The following DNAAF10 variants were observed in gnomAD, a reference collection of about 807,000 sequenced individuals.
The protein encoded by DNAAF10 is dynein axonemal assembly factor 10, also known as WD repeat domain 92.
DNAAF10 carries 28 observed loss-of-function variants against 43.7 expected under a neutral mutation model. That is an observed-to-expected ratio of 0.64 (90% confidence interval 0.48 to 0.88). The LOEUF is 0.88. DNAAF10 is among the 40% of genes least tolerant of loss of function. DNAAF10 has a pLI of 0.00. For synonymous variants in DNAAF10, 156 were observed against 157.3 expected, an observed-to-expected ratio of 0.99 and a Z score of 0.06; for missense variants, 403 against 439.1, an observed-to-expected ratio of 0.92 and a Z score of 0.73.
At chr2:68,148,230 CTTGGA>C (rs1490120460) in intron 1 of DNAAF10, among the ~76,000 whole-genome samples, 1 of 152,054 alleles carries the variant, frequency 6.6e-6, no homozygotes, top group Non-Finnish European at 1.5e-5. Flanking sequence ...CAAAAAGGTC[CTTGGA>C]AAGGATCTAA....
intron 1 of DNAAF10, among the ~76,000 whole-genome samples, chr2:68,149,676 C>G (rs1007890255): frequency 6.6e-6 from 1 of 152,190 alleles, no homozygotes; most frequent in Non-Finnish European, 1.5e-5. Flanking sequence ...AATATATTAA[C>G]AGTGGTAAAG....
At position 68,157,229 on chromosome 2, in the gene DNAAF10, A is replaced by G. The variant is rs756084497; in HGVS notation, c.183+32T>C. ...ACCCCAGGATCCGCACTCGCCCCCAACGGCAGTCCGGATCCTCGACCCGGC... is the reference window on the plus strand; with the variant it reads ...ACCCCAGGATCCGCACTCGCCCCCAGCGGCAGTCCGGATCCTCGACCCGGC... On this transcript the variant is annotated intron_variant, in intron 1 of 7. Coordinates refer to ENST00000295121, the MANE Select transcript of DNAAF10 (RefSeq NM_138458.4). The G allele has an allele frequency of 3.1e-6, 5 of 1,593,740 alleles. No homozygotes were observed. In the South Asian group the frequency reaches 3.4e-5, roughly 11 times the overall value.
At chr2:68,148,082 C>A (rs754862464) in intron 1 of DNAAF10, among the ~76,000 whole-genome samples, 8 of 152,098 alleles carry the variant, frequency 5.3e-5, no homozygotes, top group Non-Finnish European at 1.0e-4. Flanking sequence ...ATGGATCAGC[C>A]AATCTTTTGA....
At position 68,157,418 on chromosome 2, in the gene DNAAF10, ATC is replaced by A. The variant is rs771418568; in HGVS notation, c.24_25del (p.Gln8HisfsTer15). ...GAAGCCCTTCTGGATATGGGCGATG[ATC>A]TGAGGCTTCTCGAAGGCCGACATGG... is the stretch of plus-strand genomic sequence containing the variant. On this transcript the variant is annotated frameshift_variant, in exon 1 of 8. Coordinates refer to ENST00000295121, the MANE Select transcript of DNAAF10 (RefSeq NM_138458.4). LOFTEE classifies it high-confidence loss of function. 1.2e-6 allele frequency: 2 copies of A among 1,613,996 alleles called. No individual in the cohort carries two copies. Among genetic ancestry groups the A allele is most frequent in the Non-Finnish European group, 8.5e-7 (1 of 1,180,028 alleles).
intron 2 of DNAAF10, among the ~76,000 whole-genome samples, chr2:68,145,881 T>TA (rs1198689595): frequency 1.3e-5 from 2 of 152,186 alleles, no homozygotes; most frequent in African/African-American, 4.8e-5. Flanking sequence ...TTCAATAACT[T>TA]ACAGATTTTT....
chr2:68,131,582 G>C (rs2103879229), intron 7 of DNAAF10, 137 bp from the exon 8 acceptor site: 1 of 822,466 alleles, frequency 1.2e-6, no homozygotes, highest in Non-Finnish European at 1.9e-6. Context: ...TTCTAATACT[G>C]AGTTGTTTGC....
rs371765783 is a variant in DNAAF10 at position 68,147,556 on chromosome 2, G to A, written c.195C>T (p.Ala65=). The A allele has an allele frequency of 6.2e-6, 10 of 1,609,220 alleles. No homozygotes were observed. In the African/African-American group the frequency reaches 1.1e-4, roughly 17 times the overall value. Residue 65 remains alanine, a synonymous_variant, in exon 2 of 8, where the codon GCC becomes GCT. Coordinates refer to ENST00000295121, the MANE Select transcript of DNAAF10 (RefSeq NM_138458.4). ...CAAATGTTCCACATTTAATAGGTTT[G>A]GCCTTTTCAATCTTCATAGAAGGGA... ...DLKLLREIEK[A]KPIKCGTFGA...
chr2:68,157,086 GAAGA>G, intron 1 of DNAAF10, 171 bp downstream of exon 1: 12 of 915,102 alleles, frequency 1.3e-5, no homozygotes, highest in Non-Finnish European at 1.9e-5. Flanking sequence ...CCGCGGATGA[GAAGA>G]AAGGTTTTAA....
At chr2:68,154,908 T>C (rs1572929958) in intron 1 of DNAAF10, among the ~76,000 whole-genome samples, 1 of 152,154 alleles carries the variant, frequency 6.6e-6, no homozygotes, top group East Asian at 1.9e-4. Context: ...GACTACAGGC[T>C]CGCATCACTA....
Position 68,141,727 on chromosome 2 carries a change from C to G in DNAAF10, c.484G>C (p.Glu162Gln), listed in dbSNP as rs1261660985. The G allele has an allele frequency of 1.9e-6, 3 of 1,614,012 alleles. No homozygotes were observed. The African/African-American group carries it at 4.0e-5, about 22-fold the overall frequency. Residue 162 changes from glutamate to glutamine, a missense_variant, in exon 4 of 8, where the codon GAA becomes CAA. Physicochemically the swap from Glu to Gln is conservative, Grantham distance 29. Transcript: ENST00000295121. ...ACAGTCCAACAGTCTCTCTTGTTTT[C>G]TCCTTGTACAGGTTCCATATTAGCA... ...PVANMEPVQG[E>Q]NKRDCWTVAF... is the part of the protein sequence containing the mutation.
intron 3 of DNAAF10, among the ~76,000 whole-genome samples, chr2:68,143,346 G>C (rs186752632): frequency 6.6e-6 from 1 of 152,074 alleles, no homozygotes; most frequent in Admixed American, 6.5e-5. Flanking sequence ...ACCACACCTG[G>C]CTAATTTTTG....
chr2:68,131,470 G>T, intron 7 of DNAAF10, 25 bp from the exon 8 acceptor site: 1 of 1,608,408 alleles, frequency 6.2e-7, no homozygotes, highest in South Asian at 1.1e-5. Flanking sequence ...AAAATGGTAA[G>T]AGCGCATAAA....
At chr2:68,150,543 G>A (rs1448698461) in intron 1 of DNAAF10, among the ~76,000 whole-genome samples, 1 of 151,966 alleles carries the variant, frequency 6.6e-6, no homozygotes, top group Non-Finnish European at 1.5e-5. Flanking sequence ...GACCAGCCTG[G>A]CCAAAATGGT....
At chr2:68,144,440 T>G (rs1479723730) in intron 3 of DNAAF10, 145 bp downstream of exon 3, 3 of 1,015,174 alleles carry the variant, frequency 3.0e-6, no homozygotes, top group Non-Finnish European at 4.2e-6. Flanking sequence ...CAATCAAACT[T>G]GTCTGTTAAA....
At chr2:68,139,065 A>G (rs754349019) in intron 4 of DNAAF10, among the ~76,000 whole-genome samples, 1 of 152,114 alleles carries the variant, frequency 6.6e-6, no homozygotes, top group African/African-American at 2.4e-5. Flanking sequence ...TAAATTTCTG[A>G]TAAGAGTTTG....
At chr2:68,133,097 C>T (rs1264736343) in intron 7 of DNAAF10, among the ~76,000 whole-genome samples, 1 of 152,168 alleles carries the variant, frequency 6.6e-6, no homozygotes, top group African/African-American at 2.4e-5. Flanking sequence ...ATGGAAGAAT[C>T]AGGGAAGAAC....
intron 6 of DNAAF10, among the ~76,000 whole-genome samples, chr2:68,136,756 T>C (rs1673052908): frequency 6.6e-6 from 1 of 152,180 alleles, no homozygotes. Flanking sequence ...TTTCCTCATC[T>C]ATTGGTCTAA....
rs762084809 is a variant in DNAAF10 at position 68,137,480 on chromosome 2, C to A, written c.634-47G>T. 5.8e-6 allele frequency: 9 copies of A among 1,542,634 alleles called. No individual in the cohort carries two copies. In the Admixed American group the frequency reaches 1.8e-4, roughly 31 times the overall value. On this transcript the variant is annotated intron_variant, in intron 5 of 7. Transcript: ENST00000295121. Reference sequence around the variant, plus strand: ...TATTGGTAGTCTCACCAGTATTACTCAGGAGGCTCTTTTATACTAAGTAAA... The same window carrying A: ...TATTGGTAGTCTCACCAGTATTACTAAGGAGGCTCTTTTATACTAAGTAAA...
At chr2:68,147,427 G>A (rs760602550) in intron 2 of DNAAF10, 40 bp downstream of exon 2, 1 of 1,403,334 alleles carries the variant, frequency 7.1e-7, no homozygotes, top group East Asian at 2.4e-5. Flanking sequence ...CAAATAAATT[G>A]CCTATCTCAT....
Sources: allele counts gnomAD v4.1 joint callset (sites outside exome capture counted in the v4.1 genomes callset), GRCh38; gene constraint gnomAD v4.1.1; transcripts MANE v1.5; gene names NCBI Gene and HGNC (gene_info 2026-07-23, HGNC 2026-07-21).